Variants in TMPRSS9 observed in about 807,000 individuals in gnomAD.
TMPRSS9 encodes transmembrane protease serine 9.
In TMPRSS9, 113 loss-of-function variants were observed where a neutral mutation model predicts 111.4. The ratio of observed to expected loss-of-function variants is 1.01; its 90% confidence interval spans 0.87 to 1.19. The LOEUF is 1.19. Among genes scored for constraint, TMPRSS9 ranks in the 50% most tolerant of loss-of-function variants. TMPRSS9 has a pLI of 0.00. For missense variants in TMPRSS9, 1,803 were observed against 1,513.1 expected (o/e 1.19, Z -3.18); for synonymous variants, 805 against 659.1 (o/e 1.22, Z -3.39).
chr19:2,380,812 C>G (rs563685407), intron 1 of TMPRSS9, among the ~76,000 whole-genome samples: 2 of 152,230 alleles, frequency 1.3e-5, no homozygotes, highest in South Asian at 4.1e-4. Context: ...CAATAGCTGA[C>G]TAATACAGTT....
At chr19:2,415,088 G>A (rs1971196353) in intron 10 of TMPRSS9, among the ~76,000 whole-genome samples, 1 of 151,594 alleles carries the variant, frequency 6.6e-6, no homozygotes, top group African/African-American at 2.4e-5. Context: ...GGGATTACAG[G>A]TGCCCATCAC....
intron 4 of TMPRSS9, among the ~76,000 whole-genome samples, chr19:2,399,929 C>T (rs186561679): frequency 6.6e-6 from 1 of 152,248 alleles, no homozygotes; most frequent in East Asian, 1.9e-4. Context: ...GGGGTTTCAC[C>T]ATGTGTACTG....
Position 2,407,764 on chromosome 19 carries a change from C to T in TMPRSS9, c.843-592C>T, listed in dbSNP as rs540691425. On this transcript the variant is annotated intron_variant, in intron 7 of 17. Coordinates refer to ENST00000648592, the Ensembl canonical transcript of TMPRSS9. ...TCCTGAGGAGCTGAAACCACAGGTG[C>T]ACATCGCCACACCCCGCTAATATAT... 1.7e-3 allele frequency among the ~76,000 whole-genome samples: 262 copies of T among 150,394 alleles called. 1 individual carries two copies. Among genetic ancestry groups the T allele is most frequent in the African/African-American group, 6.0e-3 (246 of 40,936 alleles).
chr19:2,389,987 G>A (rs1970551393), intron 1 of TMPRSS9, 60 bp downstream of exon 2: 24 of 1,555,390 alleles, frequency 1.5e-5, no homozygotes, highest in Non-Finnish European at 2.1e-5. Context: ...AAGTCACCGG[G>A]AAGTGACTTG....
intron 14 of TMPRSS9, 133 bp from the exon 16 acceptor site, chr19:2,423,956 C>T (rs777597140): frequency 1.7e-5 from 17 of 978,206 alleles, no homozygotes; most frequent in Non-Finnish European, 2.2e-5. Context: ...GCTGAGTTTT[C>T]CTGGGATAGG....
intron 1 of TMPRSS9, among the ~76,000 whole-genome samples, chr19:2,395,083 C>T (rs1413227795): frequency 1.3e-5 from 2 of 151,938 alleles, no homozygotes; most frequent in Non-Finnish European, 2.9e-5. Context: ...GAGTTCCCGA[C>T]CAGCCTGGCC....
chr19:2,395,277 A>C (rs1488679981), intron 1 of TMPRSS9, among the ~76,000 whole-genome samples: 1 of 151,846 alleles, frequency 6.6e-6, no homozygotes, highest in Non-Finnish European at 1.5e-5. Flanking sequence ...AAAACTAGCC[A>C]GGTGTGGTGG....
chr19:2,395,565 A>G (rs534679793), intron 1 of TMPRSS9, among the ~76,000 whole-genome samples: 6 of 152,140 alleles, frequency 3.9e-5, no homozygotes, highest in African/African-American at 1.4e-4. Flanking sequence ...CATCTGTACT[A>G]GCTGGGTATG....
At chr19:2,420,168 C>G (rs892802181) in intron 13 of TMPRSS9, among the ~76,000 whole-genome samples, 5 of 151,398 alleles carry the variant, frequency 3.3e-5, no homozygotes, top group South Asian at 2.1e-4. Flanking sequence ...TCTCAAAAAA[C>G]GAAGGGCGGG....
At chr19:2,386,894 A>G (rs1326779090), upstream of TMPRSS9, among the ~76,000 whole-genome samples, 1 of 152,120 alleles carries the variant, frequency 6.6e-6, no homozygotes, top group Non-Finnish European at 1.5e-5. Context: ...TGGGAGACTG[A>G]GGCATGAGAA....
At chr19:2,412,594 C>T (rs908972249) in intron 9 of TMPRSS9, among the ~76,000 whole-genome samples, 54 of 152,178 alleles carry the variant, frequency 3.5e-4, no homozygotes, top group African/African-American at 1.3e-3. Flanking sequence ...CCCCAACCAA[C>T]CCAGGTCCTC....
At chr19:2,379,616 T>A (rs577350685) in intron 1 of TMPRSS9, among the ~76,000 whole-genome samples, 10 of 9,422 alleles carry the variant, frequency 1.1e-3, no homozygotes, top group African/African-American at 2.6e-3. Context: ...ACTTTCTTTC[T>A]CTTTCTTTCT....
chr19:2,423,316 TCC>T (rs1047305434), intron 14 of TMPRSS9, among the ~76,000 whole-genome samples: 2 of 151,856 alleles, frequency 1.3e-5, no homozygotes, highest in African/African-American at 2.4e-5. Context: ...TAGCTGGTGT[TCC>T]CAAGGACAGC....
chr19:2,391,005 A>G (rs1215810224), intron 1 of TMPRSS9, among the ~76,000 whole-genome samples: 2 of 151,236 alleles, frequency 1.3e-5, no homozygotes, highest in East Asian at 3.9e-4. Flanking sequence ...CATCTCTACT[A>G]AAAATACAAG....
At chr19:2,380,277 C>T (rs574420381) in intron 1 of TMPRSS9, among the ~76,000 whole-genome samples, 1 of 148,276 alleles carries the variant, frequency 6.7e-6, no homozygotes, top group Admixed American at 6.6e-5. Context: ...GAGTGAAACC[C>T]TGTCTTAAAA....
At chr19:2,391,237 C>CAAA (rs10650164) in intron 1 of TMPRSS9, among the ~76,000 whole-genome samples, 8,471 of 51,524 alleles carry the variant, frequency 0.16, 1,917 homozygotes, top group Admixed American at 0.25. Context: ...AATTCCATCT[C>CAAA]AAAAAAAAAA....
At chr19:2,406,416 T>TC (rs1382254487) in intron 7 of TMPRSS9, among the ~76,000 whole-genome samples, 2 of 151,766 alleles carry the variant, frequency 1.3e-5, no homozygotes, top group East Asian at 3.9e-4. Context: ...AACCTCCACC[T>TC]CCTGGGATAA....
At chr19:2,371,167 C>G (rs1439976829) in intron 1 of TMPRSS9, among the ~76,000 whole-genome samples, 1 of 152,170 alleles carries the variant, frequency 6.6e-6, no homozygotes, top group Non-Finnish European at 1.5e-5. Flanking sequence ...TAAGGACACG[C>G]TGGCCCTAAA....
chr19:2,420,518 C>G (rs906888741), intron 13 of TMPRSS9, among the ~76,000 whole-genome samples: 8 of 150,798 alleles, frequency 5.3e-5, no homozygotes, highest in Non-Finnish European at 1.2e-4. Flanking sequence ...CTAATCAATA[C>G]AAAATATCAA....
Sources: gnomAD v4.1 joint callset for allele counts (sites outside exome capture counted in the v4.1 genomes callset) on GRCh38, gnomAD v4.1.1 for gene constraint, MANE v1.5 for transcripts, NCBI Gene and HGNC (gene_info 2026-07-23, HGNC 2026-07-21) for gene names.